FCRLA: variants seen among roughly 807,000 people sequenced by gnomAD.
FCRLA encodes Fc receptor like A.
Under a neutral mutation model 28.4 loss-of-function variants are expected in FCRLA, and 26 were observed. The observed-to-expected ratio is 0.91, with a 90% CI of 0.67 to 1.27. FCRLA has a LOEUF of 1.27. FCRLA is among the 50% of genes most tolerant of loss of function. FCRLA has a pLI of 0.00. For missense variants in FCRLA, 422 were observed against 433.1 expected, an observed-to-expected ratio of 0.97 and a Z score of 0.23; for synonymous variants, 174 against 168.5, an observed-to-expected ratio of 1.03 and a Z score of -0.25.
At position 161,713,199 on chromosome 1, in the gene FCRLA, C is replaced by T; in HGVS notation, c.899C>T (p.Ser300Phe). 1 of 1,614,254 alleles carries T rather than the reference C, an allele frequency of 6.2e-7. No homozygotes were observed. The highest frequency in any genetic ancestry group is 8.5e-7 in the Non-Finnish European group (1 of 1,180,036). The part of the protein sequence containing the change: ...PGPLPPPPTP[S>F]SEDPGFSSPL... ...CCTCTGCCTCCGCCGCCAACCCCAT[C>T]TTCTGAGGATCCAGGCTTTTCTTCT... Residue 300 changes from serine to phenylalanine, a missense_variant, in exon 5 of 5, where the codon TCT (serine) becomes TTT (phenylalanine). This residue lies in a region of FCRLA where 185 missense variants were observed against 198.1 expected (regional missense o/e 0.93). Transcript: ENST00000236938.
chr1:161,710,740 C>G lies in FCRLA; in HGVS notation c.80-20C>G, dbSNP rs1156966140. On this transcript the variant is annotated intron_variant, in intron 1 of 4. Coordinates refer to ENST00000236938, the MANE Select transcript of FCRLA (RefSeq NM_032738.4). ...TTGCATCATCATTTTCTGGTTCTCC[C>G]TGGGCCATGCCCTCTTCAGCTGCCA... 1 of 1,614,160 alleles carries G rather than the reference C, an allele frequency of 6.2e-7. No homozygotes were observed. The highest frequency in any genetic ancestry group is 1.1e-5 in the South Asian group (1 of 91,074).
chr1:161,712,301 TG>T lies in FCRLA; in HGVS notation c.784+87del, dbSNP rs551678521. 5.4e-4 allele frequency: 815 copies of T among 1,499,260 alleles called. 1 individual carries two copies. In the African/African-American group the frequency reaches 7.3e-3, roughly 13 times the overall value. The allele number at this position is 1,499,260 out of a possible 1,614,324, so 92.9% of individuals were successfully genotyped here. A position where few individuals can be genotyped will look rare whatever the true frequency, so the allele number is the denominator to read the frequency against. On this transcript the variant is annotated intron_variant, in intron 4 of 4. Coordinates refer to ENST00000236938, the MANE Select transcript of FCRLA (RefSeq NM_032738.4). ...GGATAGGATAAATTGACCTGTGAGC[TG>T]GGGTTCAGTGTGAGCAGGTTAAGAA...
At chr1:161,710,131 C>T (rs1319717190) in intron 1 of FCRLA, among the ~76,000 whole-genome samples, 1 of 152,086 alleles carries the variant, frequency 6.6e-6, no homozygotes, top group East Asian at 1.9e-4. Flanking sequence ...AGAAAGTCCC[C>T]GAGGAAGGTC....
rs1003415898 is a variant in FCRLA at position 161,711,346 on chromosome 1, C to T, written c.371C>T (p.Pro124Leu). The change falls in exon 3 of 5, where the codon CCT becomes CTT. Residue 124 changes from proline (P) to leucine (L), a missense_variant. Physicochemically the swap from Pro to Leu is moderately conservative, Grantham distance 98. Coordinates refer to ENST00000236938, the MANE Select transcript of FCRLA (RefSeq NM_032738.4). ...GGCTCAGCTCTGGGTCCCCCCGGGC[C>T]TAACAGGGAATTCTCCATCACCGTG... ...RDGSALGPPG[P>L]NREFSITVVQ... The T allele has an allele frequency of 1.2e-6, 2 of 1,614,100 alleles. No individual in the cohort carries two copies. Among genetic ancestry groups the T allele is most frequent in the Non-Finnish European group, 1.7e-6 (2 of 1,180,040 alleles).
chr1:161,707,591 T>C (rs550474407), intron 1 of FCRLA, among the ~76,000 whole-genome samples: 1 of 152,234 alleles, frequency 6.6e-6, no homozygotes, highest in Admixed American at 6.5e-5. Flanking sequence ...AACTCTTTTC[T>C]TTCACTTGTG....
chr1:161,710,624 A>G lies in FCRLA; in HGVS notation c.80-136A>G, dbSNP rs1394238896. 6.0e-5 allele frequency: 47 copies of G among 783,402 alleles called. No individual in the cohort carries two copies. In the Admixed American group the frequency reaches 1.2e-3, roughly 19 times the overall value. 48.5% of individuals were successfully genotyped at this position (783,402 alleles called of 1,614,324 possible). A position where few individuals can be genotyped will look rare whatever the true frequency, so the allele number is the denominator to read the frequency against. On this transcript the variant is annotated intron_variant, in intron 1 of 4. Coordinates refer to ENST00000236938, the MANE Select transcript of FCRLA (RefSeq NM_032738.4). ...TGAGACACTCTCAGGGGTCTTTCCGAAAAAAAAAAAGGTTTTGATGTCTTA... is the reference window on the plus strand; with the variant it reads ...TGAGACACTCTCAGGGGTCTTTCCGGAAAAAAAAAAGGTTTTGATGTCTTA...
rs1019080860 is a variant in FCRLA at position 161,711,434 on chromosome 1, G to A, written c.459G>A (p.Gly153=). The A allele has an allele frequency of 1.2e-5, 20 of 1,614,090 alleles. No individual in the cohort carries two copies. The highest frequency in any genetic ancestry group is 1.7e-5 in the Non-Finnish European group (20 of 1,180,038). The change falls in exon 3 of 5, where the codon GGG becomes GGA. Residue 153 remains glycine, a synonymous_variant. Transcript: ENST00000236938. ...CSGIFQSPGP[G]IPETASVVAI... ...GCATCTTCCAGAGCCCTGGTCCTGG[G>A]ATCCCAGAAACAGCATCTGTTGTGG...
At chr1:161,712,317 C>G in intron 4 of FCRLA, 99 bp downstream of exon 4, 1 of 1,430,678 alleles carries the variant, frequency 7.0e-7, no homozygotes, top group Non-Finnish European at 9.5e-7. Flanking sequence ...TCAGTGTGAG[C>G]AGGTTAAGAA....
Position 161,711,396 on chromosome 1 carries a change from T to G in FCRLA, c.421T>G (p.Tyr141Asp), listed in dbSNP as rs1461662249. The change falls in exon 3 of 5, where the codon TAC becomes GAC. Residue 141 changes from tyrosine (Y) to aspartate (D), a missense_variant. Physicochemically the swap from Tyr to Asp is radical, Grantham distance 160. Coordinates refer to ENST00000236938, the MANE Select transcript of FCRLA (RefSeq NM_032738.4). ...TVVQKADSGH[Y>D]HCSGIFQSPG... is the part of the protein sequence containing the mutation. ...GGTACAAAAGGCAGACAGCGGGCAC[T>G]ACCACTGCAGTGGCATCTTCCAGAG... The G allele has an allele frequency of 6.2e-7, 1 of 1,614,224 alleles. No individual in the cohort carries two copies. Among genetic ancestry groups the G allele is most frequent in the African/African-American group, 1.3e-5 (1 of 75,058 alleles).
chr1:161,712,470 C>T (rs559943298), intron 4 of FCRLA, among the ~76,000 whole-genome samples: 2 of 152,274 alleles, frequency 1.3e-5, no homozygotes, highest in Admixed American at 6.5e-5. Context: ...CCCCACAAGC[C>T]TTAGCATCCC....
chr1:161,711,653 G>A (rs1007783816), intron 3 of FCRLA, 179 bp downstream of exon 3: 1 of 813,514 alleles, frequency 1.2e-6, no homozygotes, highest in African/African-American at 1.7e-5. Context: ...AAGTCATCCA[G>A]CCCCACTCAG....
rs1218665209 is a variant in FCRLA at position 161,713,855 on chromosome 1, A to C, written c.*475A>C. The C allele has an allele frequency of 6.5e-6, 1 of 152,916 alleles. No homozygotes were observed. Among genetic ancestry groups the C allele is most frequent in the Non-Finnish European group, 1.5e-5 (1 of 68,508 alleles). 9.5% of individuals were successfully genotyped at this position (152,916 alleles called of 1,614,324 possible). A position where few individuals can be genotyped will look rare whatever the true frequency, so the allele number is the denominator to read the frequency against. On this transcript the variant is annotated 3_prime_UTR_variant, in exon 5 of 5. Coordinates refer to ENST00000236938, the MANE Select transcript of FCRLA (RefSeq NM_032738.4). ...CCTATAATGCACAGGGCAGTACCCC[A>C]CAACGAAAAATAATCTGGCCCAAAA...
At position 161,712,100 on chromosome 1, in the gene FCRLA, C is replaced by CTATCAGAGCCAGATCCCCACTA; in HGVS notation, c.667_668insATCAGAGCCAGATCCCCACTAT (p.Ser223TyrfsTer26). ...GGATAGTGCAAAGCAGGGGGCTCTC[C>CTATCAGAGCCAGATCCCCACTA]TCAGAATTCCAGATCCCCACAGCTT... On this transcript the variant is annotated frameshift_variant, in exon 4 of 5. Transcript: ENST00000236938. LOFTEE classifies it high-confidence loss of function. 6.2e-7 allele frequency: 1 copy of CTATCAGAGCCAGATCCCCACTA among 1,614,176 alleles called. No individual in the cohort carries two copies.
intron 1 of FCRLA, chr1:161,710,284 T>C (rs1683028054): frequency 4.9e-6 from 3 of 610,186 alleles, no homozygotes; most frequent in Non-Finnish European, 8.8e-6. Flanking sequence ...AGTGTGTTTC[T>C]TTAAGATTAT....
rs1413395501 is a variant in FCRLA at position 161,711,320 on chromosome 1, T to C, written c.345T>C (p.Asp115=). The C allele has an allele frequency of 1.3e-5, 21 of 1,613,894 alleles. No homozygotes were observed. The highest frequency in any genetic ancestry group is 1.7e-5 in the Non-Finnish European group (20 of 1,179,992). The change falls in exon 3 of 5, where the codon GAT becomes GAC. Residue 115 remains aspartate, a synonymous_variant. Coordinates refer to ENST00000236938, the MANE Select transcript of FCRLA (RefSeq NM_032738.4). The part of the protein sequence containing the change: ...WPLTQVTFYR[D]GSALGPPGPN... ...TGACTCAGGTGACCTTCTACCGAGA[T>C]GGCTCAGCTCTGGGTCCCCCCGGGC... is the stretch of plus-strand genomic sequence containing the variant.
rs760020164 is a variant in FCRLA, at chr1:161,710,598, C to A, written c.80-162C>A. 7.8e-6 allele frequency: 11 copies of A among 1,411,032 alleles called. No homozygotes were observed. The Admixed American group carries it at 2.0e-4, about 25-fold the overall frequency. 87.4% of individuals were successfully genotyped at this position (1,411,032 alleles called of 1,614,324 possible). A position where few individuals can be genotyped will look rare whatever the true frequency, so the allele number is the denominator to read the frequency against. On this transcript the variant is annotated intron_variant, in intron 1 of 4. Coordinates refer to ENST00000236938, the MANE Select transcript of FCRLA (RefSeq NM_032738.4). Reference sequence around the variant, plus strand: ...GTGAATCAAGGTCAAAACTATCCCCCTGAGACACTCTCAGGGGTCTTTCCG... The same window carrying A: ...GTGAATCAAGGTCAAAACTATCCCCATGAGACACTCTCAGGGGTCTTTCCG...
Position 161,710,752 on chromosome 1 carries a change from C to G in FCRLA, c.80-8C>G. Reference sequence around the variant, plus strand: ...TTTCTGGTTCTCCCTGGGCCATGCCCTCTTCAGCTGCCAGTTTTGAGACGC... The same window carrying G: ...TTTCTGGTTCTCCCTGGGCCATGCCGTCTTCAGCTGCCAGTTTTGAGACGC... On this transcript the variant is annotated splice_polypyrimidine_tract_variant and splice_region_variant and intron_variant, in intron 1 of 4. Coordinates refer to ENST00000236938, the MANE Select transcript of FCRLA (RefSeq NM_032738.4). The G allele has an allele frequency of 1.2e-6, 2 of 1,614,188 alleles. No individual in the cohort carries two copies. The highest frequency in any genetic ancestry group is 1.7e-6 in the Non-Finnish European group (2 of 1,180,026).
At position 161,713,152 on chromosome 1, in the gene FCRLA, T is replaced by C. The variant is rs768654058; in HGVS notation, c.852T>C (p.Thr284=). 1.9e-6 allele frequency: 3 copies of C among 1,614,232 alleles called. No homozygotes were observed. The highest frequency in any genetic ancestry group is 2.5e-6 in the Non-Finnish European group (3 of 1,180,044). ...CTCAGAAATCAGCTGCTCCAGGAAC[T>C]GCTCCTGAGGAGGCCCCTGGGCCTC... The part of the protein sequence containing the change: ...PAPQKSAAPG[T]APEEAPGPLP... Residue 284 remains threonine, a synonymous_variant, in exon 5 of 5, where the codon ACT becomes ACC. Coordinates refer to ENST00000236938, the MANE Select transcript of FCRLA (RefSeq NM_032738.4).
At chr1:161,709,055 A>T (rs901749299) in intron 1 of FCRLA, among the ~76,000 whole-genome samples, 13 of 152,208 alleles carry the variant, frequency 8.5e-5, no homozygotes, top group African/African-American at 3.1e-4. Flanking sequence ...TCTCATTTGT[A>T]GAATGAAAAT....
Sources: gnomAD v4.1 joint callset for allele counts (sites outside exome capture counted in the v4.1 genomes callset) on GRCh38, gnomAD v4.1.1 for gene constraint, gnomAD v4.1.1 regional missense constraint, MANE v1.5 for transcripts, NCBI Gene and HGNC (gene_info 2026-07-23, HGNC 2026-07-21) for gene names.